LRRC4C: variants seen among roughly 807,000 people sequenced by gnomAD.
The protein encoded by LRRC4C is leucine rich repeat containing 4C, also known as leucine-rich repeat-containing protein 4C.
A neutral mutation model predicts 33.6 loss-of-function variants in LRRC4C; 5 were observed. The ratio of observed to expected loss-of-function variants is 0.15; its 90% CI spans 0.08 to 0.31. The LOEUF is 0.31. LRRC4C is among the 10% of genes least tolerant of loss of function. The pLI is 1.00. For synonymous variants in LRRC4C, 329 were observed against 302.0 expected (o/e 1.09, Z -0.93); for missense variants, 560 against 796.7 (o/e 0.70, Z 3.58).
At chr11:40,342,225 C>G (rs1044566426) in intron 3 of LRRC4C, among the ~76,000 whole-genome samples, 3 of 152,094 alleles carry the variant, frequency 2.0e-5, no homozygotes, top group Non-Finnish European at 2.9e-5. Flanking sequence ...AATCACAGCA[C>G]TTTGGGAGGC....
In LRRC4C at chr11:40,192,764, G is replaced by C. The variant is rs571704894; in HGVS notation, c.-96+48755C>G. On this transcript the variant is annotated intron_variant, in intron 5 of 6. Transcript: ENST00000528697. ...TGACCTAGGAAGCTTGAGCTTGGTG[G>C]GGGGAGGGGCGTCCACCATTGCTGA... is the stretch of plus-strand genomic sequence containing the variant. Among the ~76,000 whole-genome samples, 433 of 152,212 alleles carry C rather than the reference G, an allele frequency of 2.8e-3. 3 individuals are homozygous for C. The highest frequency in any genetic ancestry group is 3.7e-3 in the Non-Finnish European group (250 of 68,010).
chr11:40,969,040 A>T (rs953496600), intron 1 of LRRC4C, among the ~76,000 whole-genome samples: 1 of 152,204 alleles, frequency 6.6e-6, no homozygotes, highest in South Asian at 2.1e-4. Context: ...AGCATTCCAG[A>T]TGCCATTAAG....
chr11:41,404,587 C>G (rs973627073), intron 1 of LRRC4C, among the ~76,000 whole-genome samples: 2 of 150,556 alleles, frequency 1.3e-5, no homozygotes, highest in African/African-American at 2.4e-5. Context: ...ATAGTAAATC[C>G]ATTTCTTGTT....
chr11:40,335,002 A>G (rs1327842993), intron 3 of LRRC4C, among the ~76,000 whole-genome samples: 1 of 152,186 alleles, frequency 6.6e-6, no homozygotes, highest in African/African-American at 2.4e-5. Context: ...AATCCCATGT[A>G]TTTATAACTT....
chr11:41,388,536 C>A (rs1368354196), intron 1 of LRRC4C, among the ~76,000 whole-genome samples: 2 of 151,814 alleles, frequency 1.3e-5, no homozygotes, highest in South Asian at 2.1e-4. Flanking sequence ...AATTGATAGA[C>A]CCATTTTGCT....
chr11:40,513,255 A>C, intron 3 of LRRC4C, among the ~76,000 whole-genome samples: 1 of 151,444 alleles, frequency 6.6e-6, no homozygotes. Flanking sequence ...TCTCAAAAAA[A>C]AAAAAAAAAA....
At chr11:40,574,733 AC>A (rs1340131392) in intron 3 of LRRC4C, among the ~76,000 whole-genome samples, 1 of 151,686 alleles carries the variant, frequency 6.6e-6, no homozygotes, top group Non-Finnish European at 1.5e-5. Flanking sequence ...CTTTCTTTCC[AC>A]CCCTGGCTTC....
intron 1 of LRRC4C, among the ~76,000 whole-genome samples, chr11:41,254,898 C>G (rs968063363): frequency 6.6e-6 from 1 of 152,026 alleles, no homozygotes; most frequent in African/African-American, 2.4e-5. Context: ...ATATATCAAG[C>G]AACTGATTCC....
At chr11:40,834,774 T>A (rs1286386576) in intron 2 of LRRC4C, among the ~76,000 whole-genome samples, 19 of 152,024 alleles carry the variant, frequency 1.2e-4, no homozygotes, top group Admixed American at 9.2e-4. Flanking sequence ...GTCCTTCACA[T>A]CCTCTAAAAA....
chr11:41,443,716 T>C (rs927380146), intron 1 of LRRC4C, among the ~76,000 whole-genome samples: 5 of 151,614 alleles, frequency 3.3e-5, no homozygotes, highest in African/African-American at 7.3e-5. Flanking sequence ...ACCAGGTTCA[T>C]GTGATTGTCC....
At chr11:41,086,668 T>C (rs1293699456) in intron 1 of LRRC4C, among the ~76,000 whole-genome samples, 1 of 152,156 alleles carries the variant, frequency 6.6e-6, no homozygotes, top group Non-Finnish European at 1.5e-5. Context: ...GCATGGTGAC[T>C]TTGTGGTTCA....
intron 3 of LRRC4C, among the ~76,000 whole-genome samples, chr11:40,531,247 G>A (rs1285246760): frequency 2.0e-5 from 3 of 152,078 alleles, no homozygotes; most frequent in African/African-American, 7.2e-5. Flanking sequence ...TCAACATTGG[G>A]TAGGCTATTT....
chr11:41,014,784 C>T (rs1245713812), intron 1 of LRRC4C, among the ~76,000 whole-genome samples: 4 of 152,016 alleles, frequency 2.6e-5, no homozygotes, highest in South Asian at 2.1e-4. Context: ...TCAGTCTCCT[C>T]GGTGGGACTT....
Position 40,472,223 on chromosome 11 carries a change from T to A in LRRC4C, c.-269-152502A>T, listed in dbSNP as rs540165051. 1.6e-3 allele frequency among the ~76,000 whole-genome samples: 246 copies of A among 152,018 alleles called. 1 individual carries two copies. The highest frequency in any genetic ancestry group is 2.5e-3 in the Non-Finnish European group (168 of 67,992). On this transcript the variant is annotated intron_variant, in intron 3 of 6. Transcript: ENST00000528697. ...TGAACCTGGGAGGCGGAGCTTGCAA[T>A]GAGCCGAGATTGTCCCACTGCACTC...
chr11:40,414,315 A>G (rs1950250650), intron 3 of LRRC4C, among the ~76,000 whole-genome samples: 1 of 152,082 alleles, frequency 6.6e-6, no homozygotes, highest in Non-Finnish European at 1.5e-5. Flanking sequence ...TTTGCTGAAC[A>G]TTATTTTTGG....
intron 2 of LRRC4C, among the ~76,000 whole-genome samples, chr11:40,689,653 A>C (rs527633873): frequency 6.6e-6 from 1 of 152,182 alleles, no homozygotes; most frequent in African/African-American, 2.4e-5. Context: ...ACAAACTGAA[A>C]ATTTCTGTCT....
intron 3 of LRRC4C, among the ~76,000 whole-genome samples, chr11:40,385,031 T>C (rs1469642359): frequency 6.6e-6 from 1 of 152,216 alleles, no homozygotes; most frequent in Non-Finnish European, 1.5e-5. Context: ...CATAACAATA[T>C]ACATAGGTAT....
chr11:41,272,544 T>C (rs1179354640), intron 1 of LRRC4C, among the ~76,000 whole-genome samples: 1 of 152,136 alleles, frequency 6.6e-6, no homozygotes, highest in African/African-American at 2.4e-5. Context: ...AGTATTTCAA[T>C]TACAATATAC....
At chr11:41,216,690 C>T (rs1947077420) in intron 1 of LRRC4C, among the ~76,000 whole-genome samples, 1 of 152,022 alleles carries the variant, frequency 6.6e-6, no homozygotes, top group African/African-American at 2.4e-5. Flanking sequence ...GACAGGAGTT[C>T]AAAAATAAAT....
Sources: gnomAD v4.1 joint callset for allele counts (sites outside exome capture counted in the v4.1 genomes callset) on GRCh38, gnomAD v4.1.1 for gene constraint, MANE v1.5 for transcripts, NCBI Gene and HGNC (gene_info 2026-07-23, HGNC 2026-07-21) for gene names.